UVRAG: variants seen among roughly 807,000 people sequenced by gnomAD.
The protein encoded by UVRAG is UV radiation resistance associated.
Under a neutral mutation model 78.0 loss-of-function variants are expected in UVRAG, and 19 were observed. That is an observed-to-expected ratio of 0.24 (90% CI 0.17 to 0.36). The LOEUF (loss-of-function observed/expected upper bound fraction) is 0.36. UVRAG is among the 10% of genes least tolerant of loss of function. UVRAG has a pLI of 1.00. For synonymous variants in UVRAG, 323 were observed against 324.6 expected (o/e 1.00, Z 0.05); for missense variants, 740 against 853.8 (o/e 0.87, Z 1.66).
chr11:75,905,673 G>GAC (rs111491597), intron 5 of UVRAG, among the ~76,000 whole-genome samples: 15 of 151,884 alleles, frequency 9.9e-5, no homozygotes, highest in South Asian at 2.1e-4. Flanking sequence ...CACACACAGA[G>GAC]ACACACACAC....
At chr11:75,924,173 T>C (rs1046136154) in intron 6 of UVRAG, among the ~76,000 whole-genome samples, 2 of 152,202 alleles carry the variant, frequency 1.3e-5, no homozygotes, top group Non-Finnish European at 2.9e-5. Flanking sequence ...GGGTGAAATA[T>C]AATCCTGTTG....
Position 76,001,841 on chromosome 11 carries a change from G to A in UVRAG, c.827-2164G>A, listed in dbSNP as rs574754859. On this transcript the variant is annotated intron_variant, in intron 8 of 14. Transcript: ENST00000356136. ...TAATGGATAGTTAATAGAGAAGATG[G>A]GGGGGCTTCTGCTTAGAGAAGAATG... is the stretch of plus-strand genomic sequence containing the variant. 5.3e-5 allele frequency among the ~76,000 whole-genome samples: 8 copies of A among 152,240 alleles called. 1 individual carries two copies. Among genetic ancestry groups the A allele is most frequent in the African/African-American group, 1.2e-4 (5 of 41,546 alleles).
chr11:76,112,616 G>C (rs930146999), intron 13 of UVRAG, among the ~76,000 whole-genome samples: 4 of 152,136 alleles, frequency 2.6e-5, no homozygotes, highest in African/African-American at 9.7e-5. Context: ...AGCAGAGAGA[G>C]GAGGCTTCAG....
intron 4 of UVRAG, among the ~76,000 whole-genome samples, chr11:75,881,787 C>G (rs2134889599): frequency 6.6e-6 from 1 of 152,218 alleles, no homozygotes; most frequent in Middle Eastern, 3.4e-3. Context: ...GAAATGAAAC[C>G]TATTTGCTAT....
chr11:75,854,160 C>T (rs1437585829), intron 2 of UVRAG, among the ~76,000 whole-genome samples: 1 of 152,188 alleles, frequency 6.6e-6, no homozygotes, highest in Non-Finnish European at 1.5e-5. Context: ...TAGTGGCTTA[C>T]CATAATACAT....
At chr11:75,867,434 G>A (rs897201527) in intron 3 of UVRAG, among the ~76,000 whole-genome samples, 18 of 152,146 alleles carry the variant, frequency 1.2e-4, no homozygotes, top group African/African-American at 4.3e-4. Flanking sequence ...TCAACTTTAT[G>A]TAGTAAGATT....
rs576172181 is a variant in UVRAG at position 76,076,999 on chromosome 11, A to G, written c.1305+11211A>G. On this transcript the variant is annotated intron_variant, in intron 13 of 14. Transcript: ENST00000356136. ...ACCATTGCACTCCAGCCTGGGCGAC[A>G]TGGCAAACCCTGTCTCAAAAAAAAA... Among the ~76,000 whole-genome samples the G allele has an allele frequency of 7.6e-4, 114 of 150,422 alleles. No individual in the cohort carries two copies. In the Middle Eastern group the frequency reaches 0.01, roughly 14 times the overall value.
intron 1 of UVRAG, 27 bp from the exon 2 acceptor site, chr11:75,851,856 C>T (rs760081383): frequency 1.3e-6 from 2 of 1,568,664 alleles, no homozygotes; most frequent in South Asian, 1.2e-5. Flanking sequence ...ATCTGAATGC[C>T]TTCTCTTTTT....
chr11:75,893,284 A>G (rs1467503354), intron 5 of UVRAG, among the ~76,000 whole-genome samples: 2 of 152,132 alleles, frequency 1.3e-5, no homozygotes, highest in African/African-American at 2.4e-5. Flanking sequence ...AAGAAGTGGG[A>G]AGAAGCAGAA....
chr11:75,920,007 G>GTTT (rs1947940041), intron 6 of UVRAG, among the ~76,000 whole-genome samples: 3 of 72,730 alleles, frequency 4.1e-5, no homozygotes, highest in African/African-American at 9.2e-5. Flanking sequence ...AAATAATTTT[G>GTTT]GTTTTTTTTT....
chr11:75,894,991 T>G (rs767693589), intron 5 of UVRAG, among the ~76,000 whole-genome samples: 2 of 152,166 alleles, frequency 1.3e-5, no homozygotes, highest in African/African-American at 2.4e-5. Context: ...ACAATAATTA[T>G]AAATGGATAT....
intron 13 of UVRAG, among the ~76,000 whole-genome samples, chr11:76,102,370 C>T (rs534229890): frequency 6.6e-6 from 1 of 152,158 alleles, no homozygotes; most frequent in East Asian, 1.9e-4. Context: ...TGATTTAGCT[C>T]TTGGTTTGGC....
intron 1 of UVRAG, among the ~76,000 whole-genome samples, chr11:75,847,552 A>G (rs1311520563): frequency 2.0e-5 from 3 of 152,114 alleles, no homozygotes; most frequent in Non-Finnish European, 2.9e-5. Flanking sequence ...GATTACAGTT[A>G]TGAGCCACTG....
chr11:76,053,178 C>T (rs1252646724), intron 12 of UVRAG, among the ~76,000 whole-genome samples: 1 of 151,664 alleles, frequency 6.6e-6, no homozygotes, highest in Non-Finnish European at 1.5e-5. Context: ...TGGTGGTGTA[C>T]ACCTGTAATC....
intron 12 of UVRAG, among the ~76,000 whole-genome samples, chr11:76,057,800 A>G (rs1951010592): frequency 6.6e-6 from 1 of 152,100 alleles, no homozygotes; most frequent in South Asian, 2.1e-4. Flanking sequence ...GGCCATAATA[A>G]TTTAGTATGG....
chr11:76,118,817 A>C (rs189522500), intron 14 of UVRAG, among the ~76,000 whole-genome samples: 3 of 152,224 alleles, frequency 2.0e-5, no homozygotes, highest in Non-Finnish European at 4.4e-5. Flanking sequence ...TTGAGCAAAC[A>C]TGATGAGGTT....
intron 3 of UVRAG, among the ~76,000 whole-genome samples, chr11:75,869,422 TTA>T (rs1270634174): frequency 6.6e-6 from 1 of 152,232 alleles, no homozygotes; most frequent in Admixed American, 6.5e-5. Flanking sequence ...CAAACCAACT[TTA>T]TGTTTCAGTT....
chr11:76,013,552 A>G (rs190196289), intron 11 of UVRAG, among the ~76,000 whole-genome samples: 69 of 152,328 alleles, frequency 4.5e-4, no homozygotes, highest in South Asian at 4.3e-3. Context: ...CTGGAAAAGC[A>G]CACCCCAGAG....
At chr11:76,048,992 G>T (rs560760432) in intron 12 of UVRAG, among the ~76,000 whole-genome samples, 1 of 152,360 alleles carries the variant, frequency 6.6e-6, no homozygotes, top group Admixed American at 6.5e-5. Flanking sequence ...GGATTGGGGC[G>T]CAAGCGCACA....
Sources: allele counts gnomAD v4.1 joint callset (sites outside exome capture counted in the v4.1 genomes callset), GRCh38; gene constraint gnomAD v4.1.1; transcripts MANE v1.5; gene names NCBI Gene and HGNC (gene_info 2026-07-23, HGNC 2026-07-21).